Variants in FHIT observed in about 807,000 individuals in gnomAD.
FHIT encodes bis(5'-adenosyl)-triphosphatase.
In FHIT, 19 loss-of-function variants were observed where a neutral mutation model predicts 17.9. That is an observed-to-expected ratio of 1.06 (90% CI 0.74 to 1.56). The LOEUF (loss-of-function observed/expected upper bound fraction) is 1.56. Ranked by LOEUF, FHIT falls within the 40% of genes most tolerant of loss-of-function variation. The probability of loss-of-function intolerance (pLI) is 0.00; values close to 1 mark genes in which losing one functional copy is unlikely to be tolerated. For synonymous variants in FHIT, 81 were observed against 69.7 expected (o/e 1.16, Z -0.81); for missense variants, 248 against 189.2 (o/e 1.31, Z -1.82).
chr3:60,380,814 T>C (rs919314362), intron 5 of FHIT, among the ~76,000 whole-genome samples: 8 of 152,218 alleles, frequency 5.3e-5, no homozygotes, highest in African/African-American at 1.2e-4. Flanking sequence ...TTATCCATCA[T>C]AGGTTATTCT....
chr3:60,224,622 A>C (rs1281422546), intron 5 of FHIT, among the ~76,000 whole-genome samples: 1 of 152,172 alleles, frequency 6.6e-6, no homozygotes, highest in Non-Finnish European at 1.5e-5. Flanking sequence ...CTTTTGGACA[A>C]CAAATTATAT....
intron 5 of FHIT, among the ~76,000 whole-genome samples, chr3:60,512,271 C>G (rs1021892639): frequency 6.6e-6 from 1 of 152,154 alleles, no homozygotes; most frequent in African/African-American, 2.4e-5. Context: ...TTAATTGGCA[C>G]TTTCTAGTCA....
At chr3:60,480,737 T>C (rs1040710231) in intron 5 of FHIT, among the ~76,000 whole-genome samples, 1 of 152,178 alleles carries the variant, frequency 6.6e-6, no homozygotes, top group Non-Finnish European at 1.5e-5. Context: ...GGAAGAGGGA[T>C]CCCAGGGCCT....
At chr3:60,743,422 C>T (rs1553714418) in intron 4 of FHIT, among the ~76,000 whole-genome samples, 1 of 152,002 alleles carries the variant, frequency 6.6e-6, no homozygotes, top group African/African-American at 2.4e-5. Context: ...TGGGTAATAC[C>T]AGAGCAAACA....
intron 4 of FHIT, among the ~76,000 whole-genome samples, chr3:60,805,780 C>T (rs1701361643): frequency 1.3e-5 from 2 of 152,026 alleles, no homozygotes; most frequent in East Asian, 3.9e-4. Context: ...AGGATGGTCT[C>T]AATCTCCTCA....
intron 4 of FHIT, among the ~76,000 whole-genome samples, chr3:60,644,483 C>G (rs1305685293): frequency 6.6e-6 from 1 of 152,048 alleles, no homozygotes. Context: ...TAGGTATGTA[C>G]CTAGGAGTTT....
chr3:60,055,788 G>T (rs1028249254), intron 5 of FHIT, among the ~76,000 whole-genome samples: 2 of 152,118 alleles, frequency 1.3e-5, no homozygotes, highest in Non-Finnish European at 2.9e-5. Flanking sequence ...GCACTTAGAG[G>T]AACGGGAAGG....
intron 1 of FHIT, among the ~76,000 whole-genome samples, chr3:61,242,413 T>G (rs1189207690): frequency 6.6e-6 from 1 of 152,212 alleles, no homozygotes; most frequent in Non-Finnish European, 1.5e-5. Flanking sequence ...GAGAGACTTC[T>G]TACCTGCATA....
chr3:60,710,481 C>T (rs1283534922), intron 4 of FHIT, among the ~76,000 whole-genome samples: 5 of 152,278 alleles, frequency 3.3e-5, no homozygotes, highest in East Asian at 1.9e-4. Context: ...TTGCCTCACT[C>T]GGGAAGCGCA....
intron 3 of FHIT, among the ~76,000 whole-genome samples, chr3:60,888,153 T>C (rs566762008): frequency 6.6e-6 from 1 of 152,318 alleles, no homozygotes; most frequent in African/African-American, 2.4e-5. Flanking sequence ...TAATCTGACT[T>C]TAACTCCTGA....
At chr3:59,976,039 T>A (rs1025936191) in intron 7 of FHIT, among the ~76,000 whole-genome samples, 1 of 152,140 alleles carries the variant, frequency 6.6e-6, no homozygotes, top group Non-Finnish European at 1.5e-5. Flanking sequence ...CAATCACTTA[T>A]AAGCTTAGTG....
chr3:60,566,008 T>C (rs969235519), intron 4 of FHIT, among the ~76,000 whole-genome samples: 2 of 152,196 alleles, frequency 1.3e-5, no homozygotes, highest in Non-Finnish European at 2.9e-5. Context: ...CTGCCTTCAT[T>C]TTTTTATGTA....
At chr3:60,145,121 C>A (rs1209605682) in intron 5 of FHIT, among the ~76,000 whole-genome samples, 1 of 151,662 alleles carries the variant, frequency 6.6e-6, no homozygotes, top group South Asian at 2.1e-4. Flanking sequence ...AAATCTTATT[C>A]ATATGTTCTC....
chr3:60,253,862 G>A (rs903358249), intron 5 of FHIT, among the ~76,000 whole-genome samples: 1 of 152,284 alleles, frequency 6.6e-6, no homozygotes, highest in South Asian at 2.1e-4. Context: ...ATATTACCAA[G>A]AATTAAATAT....
chr3:60,336,876 G>A, intron 5 of FHIT, among the ~76,000 whole-genome samples: 1 of 149,108 alleles, frequency 6.7e-6, no homozygotes, highest in South Asian at 2.1e-4. Context: ...CACTGCAGTT[G>A]CATTATGTCA....
At chr3:59,945,868 T>G (rs913820890) in intron 7 of FHIT, among the ~76,000 whole-genome samples, 18 of 152,210 alleles carry the variant, frequency 1.2e-4, no homozygotes, top group African/African-American at 4.3e-4. Flanking sequence ...GGGCTCTCTA[T>G]TCTGTTCCAT....
chr3:61,153,593 G>T (rs1041988127), intron 2 of FHIT, among the ~76,000 whole-genome samples: 1 of 152,136 alleles, frequency 6.6e-6, no homozygotes, highest in Non-Finnish European at 1.5e-5. Context: ...AGCTCAAATT[G>T]ACAAGGTTAC....
chr3:60,908,164 G>A (rs544501641), intron 3 of FHIT, among the ~76,000 whole-genome samples: 1 of 152,136 alleles, frequency 6.6e-6, no homozygotes, highest in African/African-American at 2.4e-5. Flanking sequence ...TCTTTTTCCT[G>A]TACCAGAAAA....
intron 2 of FHIT, among the ~76,000 whole-genome samples, chr3:61,043,442 G>A (rs115078737): frequency 0.046 from 7,037 of 152,240 alleles, 186 homozygotes; most frequent in African/African-American, 0.054. Context: ...ATCCATCATT[G>A]CTGAGGCTTG....
Sources: gnomAD v4.1 joint callset for allele counts (sites outside exome capture counted in the v4.1 genomes callset) on GRCh38, gnomAD v4.1.1 for gene constraint, MANE v1.5 for transcripts, NCBI Gene and HGNC (gene_info 2026-07-23, HGNC 2026-07-21) for gene names.